Variants in RBFOX2 observed in about 807,000 individuals in gnomAD.
RBFOX2 encodes RNA binding fox-1 homolog 2.
In RBFOX2, 10 loss-of-function variants were observed where a neutral mutation model predicts 49.1. The ratio of observed to expected loss-of-function variants is 0.20; its 90% confidence interval spans 0.13 to 0.35. The LOEUF (loss-of-function observed/expected upper bound fraction) is 0.35. Ranked by LOEUF, RBFOX2 falls within the 10% of genes least tolerant of loss-of-function variation. RBFOX2 has a pLI of 1.00. For missense variants in RBFOX2, 323 were observed against 486.9 expected (o/e 0.66, Z 3.17); for synonymous variants, 183 against 187.4 (o/e 0.98, Z 0.19).
intron 1 of RBFOX2, among the ~76,000 whole-genome samples, chr22:35,945,471 T>C (rs1452828790): frequency 6.6e-6 from 1 of 152,172 alleles, no homozygotes; most frequent in Non-Finnish European, 1.5e-5. Context: ...GGTCTCACAC[T>C]GTCGCCCAGG....
At chr22:35,923,012 C>T (rs752413278) in intron 1 of RBFOX2, among the ~76,000 whole-genome samples, 30 of 152,158 alleles carry the variant, frequency 2.0e-4, no homozygotes, top group Middle Eastern at 6.3e-3. Flanking sequence ...ATGACTTCCC[C>T]CAACATTTAG....
intron 1 of RBFOX2, among the ~76,000 whole-genome samples, chr22:35,878,039 T>TACTACACACAC (rs1556297679): frequency 7.1e-6 from 1 of 141,178 alleles, no homozygotes; most frequent in African/African-American, 2.6e-5. Flanking sequence ...CTACTACTAC[T>TACTACACACAC]ACACACACAC....
intron 9 of RBFOX2, among the ~76,000 whole-genome samples, chr22:35,758,721 G>A (rs774678916): frequency 5.0e-4 from 76 of 152,168 alleles, no homozygotes; most frequent in Non-Finnish European, 9.0e-4. Flanking sequence ...TTCCCTTCCA[G>A]TGTCTTTTGG....
intron 4 of RBFOX2, among the ~76,000 whole-genome samples, chr22:35,771,095 C>T (rs1054270300): frequency 1.3e-5 from 2 of 152,076 alleles, no homozygotes; most frequent in Non-Finnish European, 2.9e-5. Flanking sequence ...ATAATGGCTT[C>T]CCAAAGTTGT....
At position 35,988,476 on chromosome 22, in the gene RBFOX2, A is replaced by G. The variant is rs2057818406; in HGVS notation, c.186+39764T>C. Among the ~76,000 whole-genome samples the G allele has an allele frequency of 2.0e-5, 3 of 152,328 alleles. No individual in the cohort carries two copies. The South Asian group carries it at 6.2e-4, about 32-fold the overall frequency. On this transcript the variant is annotated intron_variant, in intron 1 of 13. Coordinates refer to the RBFOX2 transcript ENST00000438146. ...AGGGAAAAGTACAAGGTGCTATGAA[A>G]GCAGTCAAGAGAGTTCCTAACCCTA...
intron 2 of RBFOX2, among the ~76,000 whole-genome samples, chr22:35,789,881 G>C (rs1365441044): frequency 1.3e-5 from 2 of 152,138 alleles, no homozygotes; most frequent in African/African-American, 2.4e-5. Flanking sequence ...AAGAGTTGAG[G>C]GGGTAGGTGG....
chr22:35,973,130 T>G (rs1410611576), intron 1 of RBFOX2, among the ~76,000 whole-genome samples: 2 of 152,172 alleles, frequency 1.3e-5, no homozygotes, highest in East Asian at 3.8e-4. Context: ...TCAAAGACAA[T>G]GTTAGTCCAA....
intron 1 of RBFOX2, chr22:35,898,121 G>A (rs190449053): frequency 1.6e-5 from 12 of 742,002 alleles, no homozygotes; most frequent in Middle Eastern, 4.8e-4. Flanking sequence ...CCCATGGGAC[G>A]AAGGTGCATG....
chr22:35,939,965 T>G (rs1368445548), upstream of RBFOX2, among the ~76,000 whole-genome samples: 1 of 152,216 alleles, frequency 6.6e-6, no homozygotes, highest in Non-Finnish European at 1.5e-5. Flanking sequence ...ATTTTCAAAG[T>G]GCTCAACATT....
chr22:35,929,826 T>A lies in RBFOX2; in HGVS notation c.-34+9021A>T, dbSNP rs570163028. Reference sequence around the variant, plus strand: ...ATAAAGTCAGAAAGCAGAGCAGTGGTTGGCTGGGGGAGAGAGGGAGGACTG... The same window carrying A: ...ATAAAGTCAGAAAGCAGAGCAGTGGATGGCTGGGGGAGAGAGGGAGGACTG... On this transcript the variant is annotated intron_variant, in intron 1 of 13. Transcript: ENST00000359369. 5.9e-5 allele frequency among the ~76,000 whole-genome samples: 9 copies of A among 151,946 alleles called. No homozygotes were observed. The South Asian group carries it at 1.9e-3, about 32-fold the overall frequency.
At chr22:35,943,370 G>T (rs1394125201), upstream of RBFOX2, among the ~76,000 whole-genome samples, 1 of 152,132 alleles carries the variant, frequency 6.6e-6, no homozygotes. Flanking sequence ...AAAAGAAAAG[G>T]TTTTAGTAGC....
At chr22:35,858,709 C>G (rs1203477737) in intron 1 of RBFOX2, among the ~76,000 whole-genome samples, 1 of 151,414 alleles carries the variant, frequency 6.6e-6, no homozygotes, top group Non-Finnish European at 1.5e-5. Flanking sequence ...ACCTGTAATC[C>G]TGGCTACTCA....
chr22:35,832,002 G>A (rs996114037), intron 1 of RBFOX2, among the ~76,000 whole-genome samples: 1 of 152,154 alleles, frequency 6.6e-6, no homozygotes, highest in Non-Finnish European at 1.5e-5. Flanking sequence ...TTCTTTTTAG[G>A]AGTTCAAGGT....
chr22:36,028,610 C>T (rs2059543132), exon 1 of RBFOX2, among the ~76,000 whole-genome samples: 1 of 149,496 alleles, frequency 6.7e-6, no homozygotes, highest in African/African-American at 2.4e-5. Flanking sequence ...CCTTGCCTGA[C>T]CGCTTGCTCC....
rs1295765536 is a variant in RBFOX2, at chr22:35,749,962, C to T, written c.888-3401G>A. On this transcript the variant is annotated intron_variant, in intron 9 of 11. Transcript: ENST00000405409. This position sits in a 1 kb window ranked among gnomAD's most constrained non-coding sequence, Gnocchi z 4.1. Reference sequence around the variant, plus strand: ...CTATCCCAGCATTCTCTTGGGACAGCGGTTTGCCCTAGGCTCTACCACAAG... The same window carrying T: ...CTATCCCAGCATTCTCTTGGGACAGTGGTTTGCCCTAGGCTCTACCACAAG... 1.3e-5 allele frequency among the ~76,000 whole-genome samples: 2 copies of T among 152,140 alleles called. No individual in the cohort carries two copies. The highest frequency in any genetic ancestry group is 2.9e-5 in the Non-Finnish European group (2 of 68,028).
intron 1 of RBFOX2, among the ~76,000 whole-genome samples, chr22:35,880,373 G>A (rs2045728971): frequency 6.6e-6 from 1 of 152,144 alleles, no homozygotes; most frequent in Admixed American, 6.5e-5. Context: ...GCAAGTAAAG[G>A]CCAGGAGCTC....
At chr22:35,897,613 G>A (rs2048022145) in intron 1 of RBFOX2, 2 of 1,322,986 alleles carry the variant, frequency 1.5e-6, no homozygotes, top group Non-Finnish European at 2.2e-6. Flanking sequence ...CCCAACGAAA[G>A]CAAAGGTTTT....
intron 1 of RBFOX2, among the ~76,000 whole-genome samples, chr22:35,846,331 TGTG>T (rs1324622811): frequency 5.2e-4 from 1 of 1,916 alleles, no homozygotes; most frequent in African/African-American, 1.1e-3. Context: ...TTTATATAGT[TGTG>T]TGTGTGTGTG....
intron 1 of RBFOX2, among the ~76,000 whole-genome samples, chr22:35,876,409 G>A (rs1245614781): frequency 2.0e-5 from 3 of 151,328 alleles, no homozygotes; most frequent in African/African-American, 2.4e-5. Context: ...AAATGTGCTC[G>A]GAAAAAAAGA....
Sources: gnomAD v4.1 joint callset for allele counts (sites outside exome capture counted in the v4.1 genomes callset) on GRCh38, gnomAD v4.1.1 for gene constraint, Gnocchi (gnomAD v3.1) non-coding constraint, MANE v1.5 for transcripts, NCBI Gene and HGNC (gene_info 2026-07-23, HGNC 2026-07-21) for gene names.